The following QTMAN variants were observed in gnomAD, a reference collection of about 807,000 sequenced individuals.
QTMAN encodes the protein tRNA-queuosine alpha-mannosyltransferase.
At chr2:143,950,438 G>A in the QTMAN span, among the ~76,000 whole-genome samples, 1 of 151,644 alleles carries the variant, frequency 6.6e-6, no homozygotes, top group Non-Finnish European at 1.5e-5. Context: ...TTTTTGCAGT[G>A]ACTTTTGAAA....
At chr2:144,072,145 G>A in the QTMAN span, among the ~76,000 whole-genome samples, 10 of 152,126 alleles carry the variant, frequency 6.6e-5, no homozygotes, top group African/African-American at 2.4e-4. Context: ...CCAAGTTCAA[G>A]CTGTGAATGA....
At chr2:144,229,767 T>C in the QTMAN span, among the ~76,000 whole-genome samples, 1 of 152,244 alleles carries the variant, frequency 6.6e-6, no homozygotes, top group Non-Finnish European at 1.5e-5. Flanking sequence ...ATGAAATTAC[T>C]GAGTTATCTA....
At chr2:144,320,390 TATA>T in the QTMAN span, among the ~76,000 whole-genome samples, 20 of 152,198 alleles carry the variant, frequency 1.3e-4, no homozygotes, top group Admixed American at 1.1e-3. Flanking sequence ...GTGGAAAGAC[TATA>T]ATGTTTCCCT....
the QTMAN span, among the ~76,000 whole-genome samples, chr2:144,242,096 C>G: frequency 6.6e-6 from 1 of 152,062 alleles, no homozygotes; most frequent in African/African-American, 2.4e-5. Flanking sequence ...GGAGAAAAAA[C>G]AGCTAGAGAA....
the QTMAN span, among the ~76,000 whole-genome samples, chr2:144,035,845 C>T: frequency 6.6e-6 from 1 of 152,154 alleles, no homozygotes; most frequent in Non-Finnish European, 1.5e-5. Context: ...AATTCAGGTC[C>T]TTTCCTATCC....
chr2:143,960,266 A>G, the QTMAN span, among the ~76,000 whole-genome samples: 30 of 152,236 alleles, frequency 2.0e-4, no homozygotes, highest in Middle Eastern at 3.4e-3. Context: ...GGACATTCAA[A>G]GAGAGGAGGT....
At chr2:144,064,679 T>TA in the QTMAN span, among the ~76,000 whole-genome samples, 1 of 152,178 alleles carries the variant, frequency 6.6e-6, no homozygotes. Flanking sequence ...AAGCTTTATA[T>TA]AAAAAATGCC....
chr2:144,210,822 T>C, the QTMAN span: 1 of 152,206 alleles, frequency 6.6e-6, no homozygotes. Flanking sequence ...ATTTGCTTAC[T>C]TGATCACATC....
At chr2:144,290,285 C>T in the QTMAN span, among the ~76,000 whole-genome samples, 3 of 152,064 alleles carry the variant, frequency 2.0e-5, no homozygotes, top group African/African-American at 2.4e-5. Context: ...CAAACTTTCT[C>T]TCATACCCCA....
At chr2:144,265,374 T>C in the QTMAN span, among the ~76,000 whole-genome samples, 1 of 152,320 alleles carries the variant, frequency 6.6e-6, no homozygotes, top group South Asian at 2.1e-4. Flanking sequence ...TGTAACTTCA[T>C]TCCTGTATTC....
the QTMAN span, among the ~76,000 whole-genome samples, chr2:144,121,789 T>C: frequency 2.0e-5 from 3 of 152,148 alleles, no homozygotes; most frequent in Admixed American, 6.6e-5. Context: ...CTTTGGGGTG[T>C]TTTCAAATAC....
At chr2:144,077,457 C>T in the QTMAN span, among the ~76,000 whole-genome samples, 2 of 152,236 alleles carry the variant, frequency 1.3e-5, no homozygotes, top group African/African-American at 4.8e-5. Flanking sequence ...CATCCATTAT[C>T]TATACCTCCA....
the QTMAN span, among the ~76,000 whole-genome samples, chr2:144,165,457 C>G: frequency 6.6e-6 from 1 of 152,142 alleles, no homozygotes; most frequent in South Asian, 2.1e-4. Context: ...GTTCTTGGGT[C>G]AAGTTTTCTC....
chr2:144,160,028 A>G, the QTMAN span, among the ~76,000 whole-genome samples: 1 of 152,106 alleles, frequency 6.6e-6, no homozygotes, highest in African/African-American at 2.4e-5. Flanking sequence ...AAGACTAAAG[A>G]AAAAGGGACC....
chr2:144,060,180 T>G, the QTMAN span, among the ~76,000 whole-genome samples: 3 of 152,080 alleles, frequency 2.0e-5, no homozygotes, highest in Non-Finnish European at 4.4e-5. Flanking sequence ...AATGAATATA[T>G]GTACCATACA....
chr2:144,229,574 G>C, the QTMAN span, among the ~76,000 whole-genome samples: 71 of 152,242 alleles, frequency 4.7e-4, no homozygotes, highest in South Asian at 2.9e-3. Flanking sequence ...AGGAGAGTGA[G>C]AGTCAGGAGC....
At chr2:144,049,922 G>A in the QTMAN span, among the ~76,000 whole-genome samples, 1 of 152,226 alleles carries the variant, frequency 6.6e-6, no homozygotes, top group Middle Eastern at 3.4e-3. Flanking sequence ...GATATAGCAG[G>A]CACATAGTAA....
chr2:144,244,121 G>A, the QTMAN span, among the ~76,000 whole-genome samples: 1 of 152,158 alleles, frequency 6.6e-6, no homozygotes, highest in Non-Finnish European at 1.5e-5. Context: ...ATCATCACAA[G>A]TTTGATCAAG....
At chr2:143,946,771 T>G in the QTMAN span, 2 of 396,916 alleles carry the variant, frequency 5.0e-6, no homozygotes, top group Middle Eastern at 6.5e-4. Flanking sequence ...GGCCACATAT[T>G]TTTTTTGAAC....
Sources: gnomAD v4.1 joint callset for allele counts (sites outside exome capture counted in the v4.1 genomes callset) on GRCh38, gnomAD v4.1.1 for gene constraint, MANE v1.5 for transcripts, NCBI Gene and HGNC (gene_info 2026-07-23, HGNC 2026-07-21) for gene names.